Variants in STK32B observed in about 807,000 individuals in gnomAD.
STK32B encodes serine/threonine kinase 32B.
A neutral mutation model predicts 52.6 loss-of-function variants in STK32B; 43 were observed. That is an observed-to-expected ratio of 0.82 (90% CI 0.64 to 1.05). The LOEUF (loss-of-function observed/expected upper bound fraction) is 1.05. Ranked by LOEUF, STK32B falls within the 50% of genes least tolerant of loss-of-function variation. STK32B has a pLI of 0.00. For synonymous variants in STK32B, 238 were observed against 204.3 expected, an observed-to-expected ratio of 1.17 and a Z score of -1.41; for missense variants, 621 against 534.6, an observed-to-expected ratio of 1.16 and a Z score of -1.59.
intron 3 of STK32B, among the ~76,000 whole-genome samples, chr4:5,313,596 AT>A (rs35963844): frequency 0.12 from 17,660 of 152,132 alleles, 2,576 homozygotes; most frequent in African/African-American, 0.35. Context: ...AGTTATTTAC[AT>A]TAAAAAACAA....
chr4:5,106,104 A>T (rs773305448), intron 1 of STK32B, among the ~76,000 whole-genome samples: 2 of 151,708 alleles, frequency 1.3e-5, no homozygotes, highest in Non-Finnish European at 2.9e-5. Flanking sequence ...AGAGTTCGAG[A>T]CCAGGCTAGC....
intron 5 of STK32B, among the ~76,000 whole-genome samples, chr4:5,401,216 A>G (rs1737271064): frequency 6.6e-6 from 1 of 152,164 alleles, no homozygotes; most frequent in Non-Finnish European, 1.5e-5. Context: ...GCAGGACAGT[A>G]TGTGTTCCTA....
chr4:5,346,846 G>A (rs532613497), intron 4 of STK32B, among the ~76,000 whole-genome samples: 13 of 152,276 alleles, frequency 8.5e-5, no homozygotes, highest in East Asian at 1.9e-4. Context: ...ATTGACTCAC[G>A]GTTCTTCATG....
At chr4:5,465,166 A>G (rs925319318) in intron 9 of STK32B, among the ~76,000 whole-genome samples, 7 of 152,186 alleles carry the variant, frequency 4.6e-5, no homozygotes, top group Non-Finnish European at 8.8e-5. Flanking sequence ...ACTCCACTCC[A>G]TTAGCCCACG....
intron 6 of STK32B, among the ~76,000 whole-genome samples, chr4:5,429,023 A>G (rs1713334534): frequency 6.6e-6 from 1 of 152,206 alleles, no homozygotes; most frequent in Non-Finnish European, 1.5e-5. Context: ...TTTGATTTCC[A>G]TGATATAAGG....
intron 3 of STK32B, among the ~76,000 whole-genome samples, chr4:5,307,540 T>A (rs548454272): frequency 1.4e-5 from 2 of 144,596 alleles, no homozygotes; most frequent in Admixed American, 1.3e-4. Flanking sequence ...TCCATTCATA[T>A]GCTCTATCTT....
At chr4:5,242,988 G>A (rs556111233) in intron 3 of STK32B, among the ~76,000 whole-genome samples, 1 of 152,200 alleles carries the variant, frequency 6.6e-6, no homozygotes, top group African/African-American at 2.4e-5. Flanking sequence ...TAGCCTTGTA[G>A]TATGGTTTGA....
intron 3 of STK32B, among the ~76,000 whole-genome samples, chr4:5,173,807 A>T (rs1408221688): frequency 6.6e-6 from 1 of 152,194 alleles, no homozygotes; most frequent in Non-Finnish European, 1.5e-5. Context: ...AGTTCTGTAG[A>T]TGTCTATTAG....
chr4:5,210,282 A>C lies in STK32B; in HGVS notation c.260+41832A>C, dbSNP rs780718888. 1.3e-5 allele frequency among the ~76,000 whole-genome samples: 2 copies of C among 151,248 alleles called. 1 individual carries two copies. Among genetic ancestry groups the C allele is most frequent in the South Asian group, 4.2e-4 (2 of 4,756 alleles). On this transcript the variant is annotated intron_variant, in intron 3 of 11. Transcript: ENST00000282908. The stretch of plus-strand genomic sequence containing the variant: ...CCTCCTCCTCAAGGCTTTCCATATG[A>C]GGTCTCTCACCCACTGTTCACACCT...
At chr4:5,239,236 G>A (rs1028421423) in intron 3 of STK32B, among the ~76,000 whole-genome samples, 1 of 151,438 alleles carries the variant, frequency 6.6e-6, no homozygotes, top group African/African-American at 2.5e-5. Context: ...GGCCACTGGA[G>A]GGTTTGAACT....
intron 3 of STK32B, among the ~76,000 whole-genome samples, chr4:5,247,063 A>G (rs569851046): frequency 2.3e-4 from 35 of 152,254 alleles, no homozygotes; most frequent in Non-Finnish European, 3.7e-4. Context: ...TCAGATCTCA[A>G]GCTGCATGCT....
At chr4:5,397,257 G>A (rs1736978905) in intron 4 of STK32B, among the ~76,000 whole-genome samples, 1 of 152,192 alleles carries the variant, frequency 6.6e-6, no homozygotes, top group Non-Finnish European at 1.5e-5. Flanking sequence ...TTTTAATGCA[G>A]AGCTTCGCCA....
intron 1 of STK32B, among the ~76,000 whole-genome samples, chr4:5,108,526 G>A (rs1714230790): frequency 1.3e-5 from 2 of 152,134 alleles, no homozygotes; most frequent in African/African-American, 4.8e-5. Flanking sequence ...TTCTGGAAGA[G>A]TTTACTTAAT....
At chr4:5,092,056 T>G (rs558869884) in intron 1 of STK32B, among the ~76,000 whole-genome samples, 5 of 152,216 alleles carry the variant, frequency 3.3e-5, no homozygotes, top group African/African-American at 1.2e-4. Context: ...GAATTGAGAG[T>G]GACTGCTAAC....
chr4:5,359,755 G>T (rs939331680), intron 4 of STK32B, among the ~76,000 whole-genome samples: 1 of 152,206 alleles, frequency 6.6e-6, no homozygotes, highest in Non-Finnish European at 1.5e-5. Flanking sequence ...GAGGCTCCAA[G>T]AGGAAGTGTG....
At chr4:5,443,606 A>G (rs1398470359) in intron 6 of STK32B, among the ~76,000 whole-genome samples, 1 of 152,140 alleles carries the variant, frequency 6.6e-6, no homozygotes, top group Non-Finnish European at 1.5e-5. Context: ...CAGCTTGTCA[A>G]AGTCATTCTC....
intron 1 of STK32B, among the ~76,000 whole-genome samples, chr4:5,066,365 G>A (rs987249499): frequency 3.3e-5 from 5 of 152,090 alleles, no homozygotes; most frequent in African/African-American, 4.8e-5. Context: ...GGACTCTCCT[G>A]GGCTTCCTGA....
At chr4:5,446,957 A>G (rs998577769) in intron 7 of STK32B, 181 bp downstream of exon 7, 1 of 580,348 alleles carries the variant, frequency 1.7e-6, no homozygotes. Context: ...CTTCTGGTCC[A>G]ACCCACTCAT....
intron 4 of STK32B, among the ~76,000 whole-genome samples, chr4:5,373,531 C>T (rs1735388214): frequency 6.6e-6 from 1 of 152,178 alleles, no homozygotes; most frequent in Non-Finnish European, 1.5e-5. Flanking sequence ...TCGGACAAGG[C>T]CCACCCCCTC....
Sources: gnomAD v4.1 joint callset for allele counts (sites outside exome capture counted in the v4.1 genomes callset) on GRCh38, gnomAD v4.1.1 for gene constraint, MANE v1.5 for transcripts, NCBI Gene and HGNC (gene_info 2026-07-23, HGNC 2026-07-21) for gene names.